Variants in TMEM64 observed in about 807,000 individuals in gnomAD.
The protein encoded by TMEM64 is transmembrane protein 64.
In TMEM64, 19 loss-of-function variants were observed where a neutral mutation model predicts 24.5. That is an observed-to-expected ratio of 0.78 (90% CI 0.54 to 1.14). TMEM64 has a LOEUF of 1.14. Ranked by LOEUF, TMEM64 falls within the 50% of genes most tolerant of loss-of-function variation. The probability of loss-of-function intolerance (pLI) is 0.00; values close to 1 mark genes in which losing one functional copy is unlikely to be tolerated. For missense variants in TMEM64, 487 were observed against 493.0 expected (o/e 0.99, Z 0.12); for synonymous variants, 262 against 224.7 (o/e 1.17, Z -1.49).
At chr8:90,641,403 C>G (rs907884191) in intron 1 of TMEM64, among the ~76,000 whole-genome samples, 1 of 152,166 alleles carries the variant, frequency 6.6e-6, no homozygotes, top group African/African-American at 2.4e-5. Context: ...AAGAATCAAT[C>G]TTAGCTTGTA....
At chr8:90,643,042 C>T (rs764309686) in intron 1 of TMEM64, among the ~76,000 whole-genome samples, 7 of 152,142 alleles carry the variant, frequency 4.6e-5, no homozygotes, top group Non-Finnish European at 8.8e-5. Flanking sequence ...AATACAACCT[C>T]TTAGTTATAT....
chr8:90,635,012 T>C (rs1327261083), intron 1 of TMEM64, among the ~76,000 whole-genome samples: 3 of 152,182 alleles, frequency 2.0e-5, no homozygotes, highest in Non-Finnish European at 4.4e-5. Context: ...TTGTTAACAA[T>C]CCACCTTATC....
At chr8:90,626,629 CTT>C (rs34029067) in intron 2 of TMEM64, among the ~76,000 whole-genome samples, 53 of 105,790 alleles carry the variant, frequency 5.0e-4, no homozygotes, top group African/African-American at 9.9e-4. Context: ...TTTTTTCTTT[CTT>C]TTTTTTTTTT....
intron 1 of TMEM64, among the ~76,000 whole-genome samples, chr8:90,640,577 C>T (rs1029963563): frequency 2.0e-5 from 3 of 152,104 alleles, no homozygotes; most frequent in African/African-American, 7.2e-5. Context: ...AAGACAGAAC[C>T]AGAAGACCCC....
chr8:90,629,456 G>A (rs1185066783), intron 2 of TMEM64, among the ~76,000 whole-genome samples: 1 of 151,960 alleles, frequency 6.6e-6, no homozygotes, highest in Non-Finnish European at 1.5e-5. Flanking sequence ...TTACTCAAAT[G>A]TAAAGTCAAA....
intron 1 of TMEM64, among the ~76,000 whole-genome samples, chr8:90,634,280 T>C (rs1238113944): frequency 6.6e-6 from 1 of 152,204 alleles, no homozygotes; most frequent in Non-Finnish European, 1.5e-5. Flanking sequence ...AGTTACTTTA[T>C]ATAAAAAGGG....
At chr8:90,630,482 C>CTTA (rs1809420819) in intron 2 of TMEM64, among the ~76,000 whole-genome samples, 2 of 152,196 alleles carry the variant, frequency 1.3e-5, no homozygotes, top group Non-Finnish European at 2.9e-5. Context: ...GGCTCTACCA[C>CTTA]TTATTAGTCG....
intron 2 of TMEM64, among the ~76,000 whole-genome samples, chr8:90,629,979 G>T (rs1435029116): frequency 6.6e-6 from 1 of 152,036 alleles, no homozygotes; most frequent in Non-Finnish European, 1.5e-5. Context: ...TGAGAATAAT[G>T]CCACCAAAAT....
chr8:90,645,222 G>A lies in TMEM64; in HGVS notation c.684C>T (p.Ser228=). ...TAWVAARIQS[S]EKLSAVIRVV... is the part of the protein sequence containing the mutation. ...CGCGAATAACCGCGCTCAGCTTCTCGCTGCTCTGGATCCTGGCGGCCACCC... is the reference window on the plus strand; with the variant it reads ...CGCGAATAACCGCGCTCAGCTTCTCACTGCTCTGGATCCTGGCGGCCACCC... Residue 228 remains serine, a synonymous_variant, in exon 1 of 3, where the codon AGC becomes AGT. Coordinates refer to ENST00000458549, the MANE Select transcript of TMEM64 (RefSeq NM_001008495.4). This position sits in a 1 kb window ranked among gnomAD's most constrained non-coding sequence, Gnocchi z 4.2. 6.2e-7 allele frequency: 1 copy of A among 1,614,106 alleles called. No individual in the cohort carries two copies. Among genetic ancestry groups the A allele is most frequent in the Non-Finnish European group, 8.5e-7 (1 of 1,180,006 alleles).
At chr8:90,638,288 T>C (rs1809551936) in intron 1 of TMEM64, among the ~76,000 whole-genome samples, 1 of 152,226 alleles carries the variant, frequency 6.6e-6, no homozygotes, top group Non-Finnish European at 1.5e-5. Flanking sequence ...CCTAGAACAC[T>C]ACTTGCTCCC....
intron 1 of TMEM64, among the ~76,000 whole-genome samples, chr8:90,643,037 A>G (rs929241222): frequency 2.6e-5 from 4 of 152,212 alleles, no homozygotes; most frequent in Non-Finnish European, 5.9e-5. Flanking sequence ...CACAAAATAC[A>G]ACCTCTTAGT....
At chr8:90,635,473 T>C (rs1193942730) in intron 1 of TMEM64, among the ~76,000 whole-genome samples, 1 of 151,908 alleles carries the variant, frequency 6.6e-6, no homozygotes, top group Non-Finnish European at 1.5e-5. Flanking sequence ...GTACAGAATA[T>C]ATTCATAAAG....
chr8:90,630,283 T>C (rs1415138868), intron 2 of TMEM64, among the ~76,000 whole-genome samples: 1 of 152,230 alleles, frequency 6.6e-6, no homozygotes, highest in African/African-American at 2.4e-5. Flanking sequence ...GTAAATGCTA[T>C]GTAGTTATTG....
chr8:90,631,759 C>A (rs780804896), intron 1 of TMEM64, 52 bp from the exon 2 acceptor site: 13 of 1,507,696 alleles, frequency 8.6e-6, no homozygotes, highest in Middle Eastern at 1.9e-4. Flanking sequence ...AATTTCAATT[C>A]AACATAAAAA....
chr8:90,626,708 G>A (rs1351048460), intron 2 of TMEM64, among the ~76,000 whole-genome samples: 2 of 144,610 alleles, frequency 1.4e-5, no homozygotes, highest in African/African-American at 5.2e-5. Context: ...TCGGCTCACT[G>A]CAACTTATGC....
intron 1 of TMEM64, among the ~76,000 whole-genome samples, chr8:90,640,036 GA>G (rs1809581077): frequency 6.6e-6 from 1 of 152,134 alleles, no homozygotes; most frequent in South Asian, 2.1e-4. Context: ...CAGTTTCAAG[GA>G]AATAAAGGTC....
In TMEM64 at chr8:90,645,277, T is replaced by C. The variant is rs528083855; in HGVS notation, c.629A>G (p.His210Arg). ...VGVLIGTFIA[H>R]VVCKRLLTAW... ...GGTGAGGAGCCGCTTGCAGACCACA[T>C]GGGCGATGAAGGTGCCGATGAGGAC... The change falls in exon 1 of 3, where the codon CAT (histidine) becomes CGT (arginine). Residue 210 changes from histidine to arginine, a missense_variant. Coordinates refer to ENST00000458549, the MANE Select transcript of TMEM64 (RefSeq NM_001008495.4). This position sits in a 1 kb window ranked among gnomAD's most constrained non-coding sequence, Gnocchi z 4.2. 1.9e-6 allele frequency: 3 copies of C among 1,607,268 alleles called. No homozygotes were observed. The highest frequency in any genetic ancestry group is 2.2e-5 in the East Asian group (1 of 44,626).
intron 1 of TMEM64, among the ~76,000 whole-genome samples, chr8:90,641,061 C>A (rs1809597362): frequency 6.6e-6 from 1 of 152,132 alleles, no homozygotes; most frequent in Non-Finnish European, 1.5e-5. Context: ...AATAAAAATA[C>A]AAGATATATG....
At chr8:90,636,855 G>T (rs975465601) in intron 1 of TMEM64, among the ~76,000 whole-genome samples, 3 of 152,150 alleles carry the variant, frequency 2.0e-5, no homozygotes, top group African/African-American at 4.8e-5. Context: ...CTAGGATATC[G>T]ATGCTATCTT....
Sources: gnomAD v4.1 joint callset for allele counts (sites outside exome capture counted in the v4.1 genomes callset) on GRCh38, gnomAD v4.1.1 for gene constraint, Gnocchi (gnomAD v3.1) non-coding constraint, MANE v1.5 for transcripts, NCBI Gene and HGNC (gene_info 2026-07-23, HGNC 2026-07-21) for gene names.